UBR2: variants seen among roughly 807,000 people sequenced by gnomAD.
UBR2 encodes the protein E3 ubiquitin-protein ligase UBR2.
UBR2 carries 92 observed loss-of-function variants against 247.9 expected under a neutral mutation model. The ratio of observed to expected loss-of-function variants is 0.37; its 90% CI spans 0.31 to 0.44. The LOEUF is 0.44. Ranked by LOEUF, UBR2 falls within the 20% of genes least tolerant of loss-of-function variation. The pLI is 1.00. For missense variants in UBR2, 1,613 were observed against 2,112.6 expected, an observed-to-expected ratio of 0.76 and a Z score of 4.64; for synonymous variants, 672 against 693.5, an observed-to-expected ratio of 0.97 and a Z score of 0.49.
rs1186526712 is a variant in UBR2 at position 42,644,380 on chromosome 6, C to A, written c.2220+44C>A. On this transcript the variant is annotated intron_variant, in intron 19 of 46. Transcript: ENST00000372901. ...AAACCACAACACATTGCTAAAGAAGCATCTTTCCTTCTTTTTGGATATGTT... is the reference window on the plus strand; with the variant it reads ...AAACCACAACACATTGCTAAAGAAGAATCTTTCCTTCTTTTTGGATATGTT... 3 of 1,604,500 alleles carry A rather than the reference C, an allele frequency of 1.9e-6. No individual in the cohort carries two copies. The African/African-American group carries it at 4.0e-5, about 22-fold the overall frequency.
At chr6:42,576,671 A>G (rs1791538744) in intron 2 of UBR2, among the ~76,000 whole-genome samples, 1 of 151,862 alleles carries the variant, frequency 6.6e-6, no homozygotes, top group Non-Finnish European at 1.5e-5. Flanking sequence ...ATGGGACTAC[A>G]GGCGCACACT....
At chr6:42,610,011 AAAAT>A (rs1462723100) in intron 7 of UBR2, among the ~76,000 whole-genome samples, 3 of 152,068 alleles carry the variant, frequency 2.0e-5, no homozygotes, top group Non-Finnish European at 4.4e-5. Context: ...TTCTGTCAAA[AAAAT>A]AAATAAATAT....
intron 37 of UBR2, 56 bp from the exon 38 acceptor site, chr6:42,674,070 C>T (rs1288826305): frequency 6.5e-7 from 1 of 1,537,210 alleles, no homozygotes; most frequent in African/African-American, 1.4e-5. Flanking sequence ...AGATTATATG[C>T]ATTTTAACAT....
At chr6:42,603,813 G>A (rs1385172925) in intron 5 of UBR2, 95 bp downstream of exon 5, 1 of 1,255,600 alleles carries the variant, frequency 8.0e-7, no homozygotes, top group African/African-American at 1.6e-5. Context: ...TTAATAATGA[G>A]TTTTTAGCAG....
chr6:42,564,288 G>C lies in UBR2; in HGVS notation c.-32G>C. On this transcript the variant is annotated 5_prime_UTR_variant, in exon 1 of 47. Coordinates refer to ENST00000372901, the MANE Select transcript of UBR2 (RefSeq NM_001363705.2). The stretch of plus-strand genomic sequence containing the variant: ...GAGGTGAGGCTGCAGCTCTCCGGGC[G>C]GCGGTAGCGCTGGGGAGGAGGAGGA... 6.3e-7 allele frequency: 1 copy of C among 1,595,746 alleles called. No homozygotes were observed. Among genetic ancestry groups the C allele is most frequent in the Non-Finnish European group, 8.5e-7 (1 of 1,172,558 alleles).
Position 42,693,080 on chromosome 6 carries a change from C to G in UBR2, c.*1907C>G, listed in dbSNP as rs573948714. ...TTTAAAATAATAAGACCAGGTTTCT[C>G]TCTGTACAAGTGGATTATAAACATT... On this transcript the variant is annotated 3_prime_UTR_variant, in exon 47 of 47. Transcript: ENST00000372901. 6.6e-6 allele frequency: 1 copy of G among 152,246 alleles called. No homozygotes were observed. The allele number at this position is 152,246 out of a possible 1,614,324, so 9.4% of individuals were successfully genotyped here.
chr6:42,576,441 C>CT (rs908285722), intron 2 of UBR2, among the ~76,000 whole-genome samples: 2 of 151,702 alleles, frequency 1.3e-5, no homozygotes, highest in Non-Finnish European at 2.9e-5. Flanking sequence ...GCTGCTGCTG[C>CT]TGCCCAACTC....
At chr6:42,589,799 C>G (rs1018631463) in intron 2 of UBR2, among the ~76,000 whole-genome samples, 1 of 152,112 alleles carries the variant, frequency 6.6e-6, no homozygotes, top group African/African-American at 2.4e-5. Flanking sequence ...AGATCATGAT[C>G]CAATGTGTTC....
At chr6:42,634,847 C>T (rs1795989576) in intron 13 of UBR2, among the ~76,000 whole-genome samples, 1 of 152,210 alleles carries the variant, frequency 6.6e-6, no homozygotes, top group Non-Finnish European at 1.5e-5. Flanking sequence ...AAAACAATAG[C>T]TACTTTGGTC....
At position 42,655,659 on chromosome 6, in the gene UBR2, A is replaced by C. The variant is rs762574743; in HGVS notation, c.2808A>C (p.Lys936Asn). 3 of 1,558,848 alleles carry C rather than the reference A, an allele frequency of 1.9e-6. No homozygotes were observed. The highest frequency in any genetic ancestry group is 2.6e-6 in the Non-Finnish European group (3 of 1,163,218). The part of the protein sequence containing the change: ...HLIGMALQEE[K>N]QHLENVTEEH... Reference sequence around the variant, plus strand: ...TTGGCATGGCACTACAAGAAGAAAAACAACATTTAGAGAATGTCACGGAAG... The same window carrying C: ...TTGGCATGGCACTACAAGAAGAAAACCAACATTTAGAGAATGTCACGGAAG... Residue 936 changes from lysine to asparagine, a missense_variant, in exon 26 of 47, where the codon AAA becomes AAC. Transcript: ENST00000372901.
chr6:42,644,401 A>G (rs1208505136), intron 19 of UBR2, 65 bp downstream of exon 19: 6 of 1,603,354 alleles, frequency 3.7e-6, no homozygotes, highest in Non-Finnish European at 3.4e-6. Flanking sequence ...CTTTTTGGAT[A>G]TGTTAATCCT....
intron 11 of UBR2, among the ~76,000 whole-genome samples, chr6:42,629,306 T>G (rs1404928682): frequency 6.7e-6 from 1 of 149,922 alleles, no homozygotes; most frequent in Non-Finnish European, 1.5e-5. Flanking sequence ...CGTGAGCCAC[T>G]GTGCCCGGCT....
rs1582659209 is a variant in UBR2, at chr6:42,655,564, A to G, written c.2770-57A>G. 2.4e-5 allele frequency: 23 copies of G among 963,556 alleles called. No individual in the cohort carries two copies. In the East Asian group the frequency reaches 7.1e-4, roughly 30 times the overall value. The allele number at this position is 963,556 out of a possible 1,614,324, so 59.7% of individuals were successfully genotyped here. A position where few individuals can be genotyped will look rare whatever the true frequency, so the allele number is the denominator to read the frequency against. On this transcript the variant is annotated intron_variant, in intron 25 of 46. Transcript: ENST00000372901. ...TAATTCTTTTTTCCTATTTCTTATTAAAATATGTACTTGATTTTTTAAATT... is the reference window on the plus strand; with the variant it reads ...TAATTCTTTTTTCCTATTTCTTATTGAAATATGTACTTGATTTTTTAAATT...
intron 44 of UBR2, 66 bp from the exon 45 acceptor site, chr6:42,688,150 T>G (rs554952214): frequency 6.2e-7 from 1 of 1,605,996 alleles, no homozygotes; most frequent in East Asian, 2.2e-5. Flanking sequence ...CTGGGCTGGT[T>G]TTTTCATCAC....
At chr6:42,656,800 G>A (rs1489100003) in intron 26 of UBR2, among the ~76,000 whole-genome samples, 1 of 152,154 alleles carries the variant, frequency 6.6e-6, no homozygotes, top group Admixed American at 6.5e-5. Flanking sequence ...ATTCTTGGAT[G>A]CCAGTTTTTA....
chr6:42,670,567 T>G, intron 35 of UBR2, 93 bp from the exon 36 acceptor site: 1 of 860,406 alleles, frequency 1.2e-6, no homozygotes, highest in Non-Finnish European at 1.7e-6. Context: ...TTGTACTTTC[T>G]GTAGGATTGG....
chr6:42,666,022 C>T (rs1283503871), intron 33 of UBR2, 145 bp from the exon 34 acceptor site: 3 of 603,726 alleles, frequency 5.0e-6, no homozygotes, highest in African/African-American at 1.9e-5. Flanking sequence ...AGAGCAATAA[C>T]GTTTTCATGC....
At position 42,676,844 on chromosome 6, in the gene UBR2, G is replaced by C; in HGVS notation, c.4449G>C (p.Leu1483Phe). 1 of 1,613,932 alleles carries C rather than the reference G, an allele frequency of 6.2e-7. No homozygotes were observed. Among genetic ancestry groups the C allele is most frequent in the Non-Finnish European group, 8.5e-7 (1 of 1,179,930 alleles). Reference sequence around the variant, plus strand: ...AAGAAGAATCAGCAGTTCTTGCTTTGTATAAAACACTTCACCAGTATACGG... The same window carrying C: ...AAGAAGAATCAGCAGTTCTTGCTTTCTATAAAACACTTCACCAGTATACGG... ...PCEEESAVLA[L>F]YKTLHQYTGS... The change falls in exon 40 of 47, where the codon TTG becomes TTC. Residue 1483 changes from leucine to phenylalanine, a missense_variant. This residue lies in a region of UBR2 where 1,524 missense variants were observed against 1,967.3 expected (regional missense o/e 0.77). Coordinates refer to ENST00000372901, the MANE Select transcript of UBR2 (RefSeq NM_001363705.2).
intron 11 of UBR2, chr6:42,620,068 T>G: frequency 3.3e-6 from 3 of 898,804 alleles, no homozygotes; most frequent in Non-Finnish European, 4.0e-6. Context: ...ATGTATGTAT[T>G]CAGATTAAAT....
Sources: gnomAD v4.1 joint callset for allele counts (sites outside exome capture counted in the v4.1 genomes callset) on GRCh38, gnomAD v4.1.1 for gene constraint, gnomAD v4.1.1 regional missense constraint, MANE v1.5 for transcripts, NCBI Gene and HGNC (gene_info 2026-07-23, HGNC 2026-07-21) for gene names.